Variants in PPARGC1A observed in about 807,000 individuals in gnomAD.
The protein encoded by PPARGC1A is peroxisome proliferator-activated receptor gamma coactivator 1-alpha.
In PPARGC1A, 25 loss-of-function variants were observed where a neutral mutation model predicts 88.7. That is an observed-to-expected ratio of 0.28 (90% CI 0.21 to 0.39). The LOEUF is 0.39. Among genes scored for constraint, PPARGC1A ranks in the 10% least tolerant of loss-of-function variants. The pLI, the probability that PPARGC1A is intolerant of heterozygous loss-of-function variation, is 1.00. For missense variants in PPARGC1A, 880 were observed against 968.7 expected (o/e 0.91, Z 1.22); for synonymous variants, 363 against 355.6 (o/e 1.02, Z -0.24).
the PPARGC1A span, among the ~76,000 whole-genome samples, chr4:24,106,704 C>T: frequency 6.6e-6 from 1 of 152,224 alleles, no homozygotes; most frequent in Non-Finnish European, 1.5e-5. Flanking sequence ...GCTGCCTTGT[C>T]CCTTGCTTTA....
chr4:23,845,883 G>C (rs964369187), intron 2 of PPARGC1A, among the ~76,000 whole-genome samples: 1 of 152,156 alleles, frequency 6.6e-6, no homozygotes, highest in Non-Finnish European at 1.5e-5. Flanking sequence ...TTTAATGCCA[G>C]ACTGAGTGAA....
chr4:24,424,961 A>C, the PPARGC1A span, among the ~76,000 whole-genome samples: 4 of 152,180 alleles, frequency 2.6e-5, no homozygotes, highest in Non-Finnish European at 5.9e-5. Flanking sequence ...CTAATATATG[A>C]CCTCTGCAGA....
chr4:24,228,143 GGATAAAGT>G, the PPARGC1A span, among the ~76,000 whole-genome samples: 1 of 152,130 alleles, frequency 6.6e-6, no homozygotes, highest in Non-Finnish European at 1.5e-5. Context: ...ATGATTGGAT[GGATAAAGT>G]GATCTAATCC....
At chr4:24,109,037 C>A in the PPARGC1A span, among the ~76,000 whole-genome samples, 4 of 117,822 alleles carry the variant, frequency 3.4e-5, no homozygotes, top group African/African-American at 1.1e-4. Flanking sequence ...ACACACACAC[C>A]ACACACACAC....
At chr4:24,467,030 G>GAAAGAAAGAAAGAAAGAAAGAAAGAA in the PPARGC1A span, among the ~76,000 whole-genome samples, 18 of 74,388 alleles carry the variant, frequency 2.4e-4, no homozygotes, top group Non-Finnish European at 4.5e-4. Context: ...AAGAAAGAAA[G>GAAAGAAAGAAAGAAAGAAAGAAAGAA]AGAAAGAGAG....
the PPARGC1A span, among the ~76,000 whole-genome samples, chr4:24,233,711 C>A: frequency 1.3e-5 from 2 of 151,992 alleles, no homozygotes; most frequent in Admixed American, 6.6e-5. Context: ...AACTCACTGT[C>A]AGTGAGATTT....
At chr4:23,969,328 C>T in the PPARGC1A span, among the ~76,000 whole-genome samples, 1 of 152,136 alleles carries the variant, frequency 6.6e-6, no homozygotes, top group Non-Finnish European at 1.5e-5. Flanking sequence ...TCCCATGAGG[C>T]CGGGATTATC....
At chr4:24,387,762 GAGAGAGAAAGAA>G in the PPARGC1A span, among the ~76,000 whole-genome samples, 807 of 72,856 alleles carry the variant, frequency 0.011, 16 homozygotes, top group Admixed American at 0.019. Context: ...GAGAGAGAGA[GAGAGAGAAAGAA>G]AGAAAGAAAG....
chr4:24,134,561 T>A, the PPARGC1A span, among the ~76,000 whole-genome samples: 4 of 152,258 alleles, frequency 2.6e-5, no homozygotes, highest in African/African-American at 9.6e-5. Flanking sequence ...TAAAATTTAT[T>A]TCTGAACTTT....
At chr4:23,926,037 C>T in the PPARGC1A span, among the ~76,000 whole-genome samples, 1 of 152,170 alleles carries the variant, frequency 6.6e-6, no homozygotes, top group Non-Finnish European at 1.5e-5. Context: ...TTGCCTGACT[C>T]TCTGAATGCT....
At chr4:24,311,479 AAAT>A in the PPARGC1A span, among the ~76,000 whole-genome samples, 3 of 151,516 alleles carry the variant, frequency 2.0e-5, no homozygotes, top group Admixed American at 6.6e-5. Context: ...ACTAAAAAAA[AAAT>A]ACAAAAAATT....
At chr4:24,186,416 C>G in the PPARGC1A span, among the ~76,000 whole-genome samples, 1 of 152,130 alleles carries the variant, frequency 6.6e-6, no homozygotes, top group African/African-American at 2.4e-5. Context: ...ATGGGCTCTT[C>G]TGGATCGGAC....
At chr4:24,113,839 A>C in the PPARGC1A span, among the ~76,000 whole-genome samples, 1 of 152,002 alleles carries the variant, frequency 6.6e-6, no homozygotes, top group Non-Finnish European at 1.5e-5. Context: ...AATAGAGAAG[A>C]GGGGCTGGGT....
the PPARGC1A span, among the ~76,000 whole-genome samples, chr4:24,333,937 C>CAAAAAA: frequency 9.6e-5 from 1 of 10,370 alleles, no homozygotes; most frequent in African/African-American, 1.7e-4. Context: ...CCAACAACAA[C>CAAAAAA]AACAAAAAAA....
At chr4:24,115,507 C>T in the PPARGC1A span, among the ~76,000 whole-genome samples, 1 of 152,100 alleles carries the variant, frequency 6.6e-6, no homozygotes, top group Non-Finnish European at 1.5e-5. Flanking sequence ...ATCTCAATTT[C>T]AATCTAATCT....
At chr4:24,450,532 T>C in the PPARGC1A span, among the ~76,000 whole-genome samples, 1 of 152,188 alleles carries the variant, frequency 6.6e-6, no homozygotes, top group Non-Finnish European at 1.5e-5. Context: ...TATAGAATTC[T>C]TACACAAAGC....
intron 2 of PPARGC1A, among the ~76,000 whole-genome samples, chr4:23,859,965 A>T (rs1199292946): frequency 6.6e-6 from 1 of 152,134 alleles, no homozygotes; most frequent in African/African-American, 2.4e-5. Context: ...TTTGAGTTAG[A>T]CAATTAAGAA....
chr4:24,329,418 C>T, the PPARGC1A span, among the ~76,000 whole-genome samples: 5 of 152,074 alleles, frequency 3.3e-5, no homozygotes, highest in East Asian at 1.9e-4. Context: ...TCTCCAGCTC[C>T]GGCTCCTGCC....
the PPARGC1A span, among the ~76,000 whole-genome samples, chr4:24,020,916 C>T: frequency 3.3e-5 from 5 of 152,188 alleles, no homozygotes; most frequent in East Asian, 1.9e-4. Flanking sequence ...GGTGCTGTTA[C>T]GAGTTAAAAC....
Sources: allele counts gnomAD v4.1 joint callset (sites outside exome capture counted in the v4.1 genomes callset), GRCh38; gene constraint gnomAD v4.1.1; transcripts MANE v1.5; gene names NCBI Gene and HGNC (gene_info 2026-07-23, HGNC 2026-07-21).